Variants in TTC34 observed in about 807,000 individuals in gnomAD.
TTC34 encodes tetratricopeptide repeat protein 34.
A neutral mutation model predicts 40.7 loss-of-function variants in TTC34; 44 were observed. The ratio of observed to expected loss-of-function variants is 1.08; its 90% CI spans 0.85 to 1.39. The LOEUF (loss-of-function observed/expected upper bound fraction) is 1.39. Among genes scored for constraint, TTC34 ranks in the 40% most tolerant of loss-of-function variants. The probability of loss-of-function intolerance (pLI) is 0.00; values close to 1 mark genes in which losing one functional copy is unlikely to be tolerated. For synonymous variants in TTC34, 422 were observed against 398.6 expected (o/e 1.06, Z -0.70); for missense variants, 884 against 838.0 (o/e 1.05, Z -0.68).
exon 2 of TTC34, chr1:2,800,352 G>A (rs1643757954): frequency 7.5e-6 from 3 of 398,432 alleles, no homozygotes; most frequent in Admixed American, 8.8e-5. Flanking sequence ...GAGATAGGCG[G>A]CCACACCATC....
chr1:2,783,883 A>G (rs543617123), intron 5 of TTC34, 108 bp from the exon 6 acceptor site: 152 of 1,108,832 alleles, frequency 1.4e-4, no homozygotes, highest in Admixed American at 2.5e-4. Context: ...TTCAGGGCCT[A>G]CCTTGGGGAG....
At chr1:2,752,874 G>A (rs1413748111) in intron 6 of TTC34, among the ~76,000 whole-genome samples, 15 of 143,154 alleles carry the variant, frequency 1.0e-4, no homozygotes, top group South Asian at 2.2e-4. Context: ...AGCATCTGAT[G>A]GCCTGGAACG....
chr1:2,700,420 C>T (rs1034243179), intron 6 of TTC34, among the ~76,000 whole-genome samples: 11 of 80,770 alleles, frequency 1.4e-4, no homozygotes, highest in South Asian at 4.2e-4. Flanking sequence ...CACCCCTAGG[C>T]GAGCATCCGA....
At chr1:2,688,578 C>A (rs58157863) in intron 6 of TTC34, among the ~76,000 whole-genome samples, 139 of 116,874 alleles carry the variant, frequency 1.2e-3, no homozygotes, top group Non-Finnish European at 1.7e-3. Flanking sequence ...CACCTTCCGG[C>A]GCGCATCCGA....
intron 6 of TTC34, among the ~76,000 whole-genome samples, chr1:2,749,012 G>A (rs1174505063): frequency 1.5e-3 from 201 of 133,978 alleles, no homozygotes; most frequent in Middle Eastern, 3.8e-3. Flanking sequence ...GCCCAGGTGA[G>A]CATCTGACAG....
intron 6 of TTC34, among the ~76,000 whole-genome samples, chr1:2,683,356 A>C: frequency 7.2e-6 from 1 of 137,986 alleles, no homozygotes; most frequent in Non-Finnish European, 1.6e-5. Context: ...CTGCACCCCC[A>C]GGTGAGCATC....
rs540194572 is a variant in TTC34, at chr1:2,700,338, G to A, written c.2227-54775C>T. ...GTCTGGGGCAGCACCCACTCCCGCA[G>A]GTGAGCATCCGACAGCCTGGAGCAG... On this transcript the variant is annotated intron_variant, in intron 6 of 8. Transcript: ENST00000401095. Among the ~76,000 whole-genome samples the A allele has an allele frequency of 8.8e-5, 10 of 113,604 alleles. 2 individuals carry two copies. The allele number at this position is 113,604 out of a possible 152,430, so 74.5% of individuals were successfully genotyped here.
intron 6 of TTC34, among the ~76,000 whole-genome samples, chr1:2,653,108 C>G (rs373550866): frequency 2.0e-5 from 3 of 151,926 alleles, no homozygotes; most frequent in Non-Finnish European, 4.4e-5. Flanking sequence ...CATCCGACAG[C>G]CTGGAGCAGC....
At chr1:2,753,383 C>A (rs1261050020) in intron 6 of TTC34, among the ~76,000 whole-genome samples, 2 of 19,834 alleles carry the variant, frequency 1.0e-4, no homozygotes, top group Non-Finnish European at 1.9e-4. Context: ...CACCCCCAGG[C>A]GAGCATCTGA....
exon 9 of TTC34, chr1:2,641,739 G>A (rs1281767164): frequency 2.0e-6 from 3 of 1,535,326 alleles, no homozygotes; most frequent in East Asian, 4.9e-5. Context: ...AGGTCCCTAA[G>A]GGCCCGGCCA....
intron 6 of TTC34, among the ~76,000 whole-genome samples, chr1:2,750,070 G>A (rs1641265416): frequency 5.2e-5 from 5 of 95,788 alleles, no homozygotes; most frequent in Non-Finnish European, 9.5e-5. Flanking sequence ...TGACAGCCTG[G>A]AGCAGCAGGC....
In TTC34 at chr1:2,645,872, C is replaced by T. The variant is rs989428129; in HGVS notation, c.2227-309G>A. On this transcript the variant is annotated intron_variant, in intron 6 of 8. Transcript: ENST00000401095. The surrounding 1 kb of genome is among the most constrained non-coding windows in gnomAD (Gnocchi z 4.7). ...AATTTCCATCTCCTGAGGCTGCCTG[C>T]GGTCTGTGAGCCCTCCCTGGGTCCC... 2.0e-5 allele frequency among the ~76,000 whole-genome samples: 3 copies of T among 152,230 alleles called. No individual in the cohort carries two copies. The highest frequency in any genetic ancestry group is 2.4e-5 in the African/African-American group (1 of 41,526).
intron 6 of TTC34, among the ~76,000 whole-genome samples, chr1:2,755,266 T>A (rs1476191168): frequency 0.044 from 231 of 5,270 alleles, no homozygotes; most frequent in East Asian, 0.068. Flanking sequence ...CCACACCCCC[T>A]GATGAGCATC....
intron 6 of TTC34, chr1:2,773,812 C>T (rs374564329): frequency 0.071 from 10,212 of 144,688 alleles, 812 homozygotes; most frequent in Non-Finnish European, 0.1. Context: ...GCAATGTCAT[C>T]CTCACCTCCA....
chr1:2,777,578 A>C (rs1158108124), intron 6 of TTC34, among the ~76,000 whole-genome samples: 2 of 150,994 alleles, frequency 1.3e-5, no homozygotes, highest in Admixed American at 6.6e-5. Context: ...GAGACAGGAC[A>C]GGGTTGTTGG....
In TTC34 at chr1:2,673,341, G is replaced by A. The variant is rs1286236292; in HGVS notation, c.2227-27778C>T. ...CCCCAGGAGAGCATCCGGCAGCCTG[G>A]AGCGGAACCCACGGCCACAGGCGAG... On this transcript the variant is annotated intron_variant, in intron 6 of 8. Coordinates refer to ENST00000401095, the Ensembl canonical transcript of TTC34. Among the ~76,000 whole-genome samples, 16 of 77,518 alleles carry A rather than the reference G, an allele frequency of 2.1e-4. No individual in the cohort carries two copies. In the South Asian group the frequency reaches 4.8e-3, roughly 23 times the overall value. The allele number at this position is 77,518 out of a possible 152,430, so 50.9% of individuals were successfully genotyped here.
rs1406781138 is a variant in TTC34, at chr1:2,752,716, T to G, written c.2226+30893A>C. The stretch of plus-strand genomic sequence containing the variant: ...ACGCCCAGATGAGCATCTGACAGCA[T>G]GGAACAGCACCCTGCACCCCCAGGA... On this transcript the variant is annotated intron_variant, in intron 6 of 8. Transcript: ENST00000401095. Among the ~76,000 whole-genome samples, 650 of 131,474 alleles carry G rather than the reference T, an allele frequency of 4.9e-3. 74 individuals are homozygous for G. Among genetic ancestry groups the G allele is most frequent in the Admixed American group, 7.6e-3 (98 of 12,964 alleles). 86.3% of individuals were successfully genotyped at this position (131,474 alleles called of 152,430 possible).
intron 6 of TTC34, among the ~76,000 whole-genome samples, chr1:2,754,180 A>C (rs1243328850): frequency 7.5e-4 from 20 of 26,764 alleles, no homozygotes; most frequent in East Asian, 1.0e-3. Context: ...ACCCACACCC[A>C]CAGGTGAGCA....
At chr1:2,650,634 GTGTC>G (rs1639109863) in intron 6 of TTC34, among the ~76,000 whole-genome samples, 1 of 151,604 alleles carries the variant, frequency 6.6e-6, no homozygotes, top group South Asian at 2.1e-4. Flanking sequence ...CTTCAGGTGA[GTGTC>G]TGAGAGCCTG....
Sources: allele counts gnomAD v4.1 joint callset (sites outside exome capture counted in the v4.1 genomes callset), GRCh38; gene constraint gnomAD v4.1.1; non-coding constraint Gnocchi (gnomAD v3.1); transcripts MANE v1.5; gene names NCBI Gene and HGNC (gene_info 2026-07-23, HGNC 2026-07-21).